The following ZNF100 variants were observed in gnomAD, a reference collection of about 807,000 sequenced individuals.
The protein encoded by ZNF100 is zinc finger protein 100 (Y1).
Under a neutral mutation model 15.8 loss-of-function variants are expected in ZNF100, and 12 were observed. That is an observed-to-expected ratio of 0.76 (90% CI 0.49 to 1.23). The LOEUF is 1.23. Among genes scored for constraint, ZNF100 ranks in the 50% most tolerant of loss-of-function variants. The probability of loss-of-function intolerance (pLI) is 0.00; values close to 1 mark genes in which losing one functional copy is unlikely to be tolerated. For synonymous variants in ZNF100, 226 were observed against 214.8 expected (o/e 1.05, Z -0.45); for missense variants, 670 against 635.6 (o/e 1.05, Z -0.58).
chr19:21,741,634 C>T (rs2036110489), intron 4 of ZNF100, among the ~76,000 whole-genome samples: 1 of 151,710 alleles, frequency 6.6e-6, no homozygotes, highest in Non-Finnish European at 1.5e-5. Flanking sequence ...CTCAGCATCT[C>T]AAAGTGCTAG....
intron 1 of ZNF100, among the ~76,000 whole-genome samples, chr19:21,766,625 C>T (rs1219466084): frequency 1.3e-5 from 2 of 152,166 alleles, no homozygotes; most frequent in Admixed American, 6.5e-5. Context: ...AAATGACTTT[C>T]CTTCAAGCCT....
intron 2 of ZNF100, among the ~76,000 whole-genome samples, chr19:21,757,167 GT>G (rs1432977501): frequency 6.6e-6 from 1 of 152,236 alleles, no homozygotes; most frequent in Admixed American, 6.5e-5. Context: ...GCTGGGCAAG[GT>G]GGCACATGCC....
rs2035800888 is a variant in ZNF100, at chr19:21,726,906, G to A, written c.1406C>T (p.Ser469Phe). 1.9e-6 allele frequency: 3 copies of A among 1,611,666 alleles called. No homozygotes were observed. The highest frequency in any genetic ancestry group is 2.5e-6 in the Non-Finnish European group (3 of 1,179,258). The change falls in exon 5 of 5, where the codon TCC becomes TTC. Residue 469 changes from serine to phenylalanine, a missense_variant. Ser to Phe is a radical substitution (Grantham distance 155). Coordinates refer to ENST00000358296, the MANE Select transcript of ZNF100 (RefSeq NM_173531.4). ...CATCTTATGTGCAGTTAGTTGTGAG[G>A]ACCGGTTAAAGGCTTTGCCACATTC... is the stretch of plus-strand genomic sequence containing the variant. ...CDECGKAFNR[S>F]SQLTAHKMIH...
chr19:21,733,810 A>C (rs1423968330), intron 4 of ZNF100, among the ~76,000 whole-genome samples: 1 of 152,272 alleles, frequency 6.6e-6, no homozygotes, highest in Non-Finnish European at 1.5e-5. Context: ...AAGTATTCCC[A>C]CTGTCATCAG....
chr19:21,726,955 C>T lies in ZNF100; in HGVS notation c.1357G>A (p.Gly453Arg), dbSNP rs758169696. The change falls in exon 5 of 5, where the codon GGA becomes AGA. Residue 453 changes from glycine (G) to arginine (R), a missense_variant. Physicochemically the swap from Gly to Arg is moderately radical, Grantham distance 125. Coordinates refer to ENST00000358296, the MANE Select transcript of ZNF100 (RefSeq NM_173531.4). ...NLTTHKMIHT[G>R]EKPYKCDECG... ...TCGTCACATTTGTAGGGTTTCTCTC[C>T]AGTATGAATCATCTTATGGGTAGTA... 25 of 1,611,304 alleles carry T rather than the reference C, an allele frequency of 1.6e-5. No individual in the cohort carries two copies. The highest frequency in any genetic ancestry group is 4.5e-5 in the East Asian group (2 of 44,220).
intron 4 of ZNF100, among the ~76,000 whole-genome samples, chr19:21,741,735 G>C (rs1241510770): frequency 3.9e-5 from 6 of 151,960 alleles, no homozygotes; most frequent in African/African-American, 1.5e-4. Flanking sequence ...GAGTGCAGTG[G>C]CACAATTATG....
At chr19:21,747,976 T>TC (rs2036240322) in intron 2 of ZNF100, among the ~76,000 whole-genome samples, 1 of 115,146 alleles carries the variant, frequency 8.7e-6, no homozygotes, top group Admixed American at 1.1e-4. Context: ...TATTGATTTT[T>TC]TAAAAAAATG....
intron 4 of ZNF100, among the ~76,000 whole-genome samples, chr19:21,736,497 G>A (rs74167880): frequency 0.092 from 14,013 of 152,268 alleles, 863 homozygotes; most frequent in South Asian, 0.18. Context: ...ATCTCTGAGA[G>A]AGAAAAATAA....
intron 4 of ZNF100, among the ~76,000 whole-genome samples, chr19:21,740,756 A>C (rs973204297): frequency 6.6e-6 from 1 of 152,124 alleles, no homozygotes; most frequent in African/African-American, 2.4e-5. Context: ...GGCCACTATA[A>C]ATTTTTTAAA....
intron 4 of ZNF100, among the ~76,000 whole-genome samples, chr19:21,739,479 CAAGCAGGCTGAGGTTGCAGTGAGCCA>C (rs1422043719): frequency 1.7e-5 from 1 of 59,756 alleles, no homozygotes; most frequent in Non-Finnish European, 5.3e-5. Context: ...TCACTTGAGT[CAAGCAGGCTGAGGTTGCAGTGAGCCA>C]AAATTATGAC....
rs747243511 is a variant in ZNF100, at chr19:21,727,780, GA to G, written c.531del (p.Gln178AsnfsTer20). On this transcript the variant is annotated frameshift_variant, in exon 5 of 5. Coordinates refer to ENST00000358296, the MANE Select transcript of ZNF100 (RefSeq NM_173531.4). LOFTEE classifies it low-confidence loss of function (END_TRUNC). ...AAGACTTTTGCAGATGGATCACATT[GA>G]AATATGTTGCTCTGGGTAGTTATCA... ...QCLITTQSNI[F>X]QCDPSAKVFH... 5 of 1,613,824 alleles carry G rather than the reference GA, an allele frequency of 3.1e-6. No individual in the cohort carries two copies. The highest frequency in any genetic ancestry group is 1.7e-5 in the Admixed American group (1 of 60,012).
chr19:21,764,055 C>T (rs1249001166), intron 2 of ZNF100, among the ~76,000 whole-genome samples: 1 of 152,140 alleles, frequency 6.6e-6, no homozygotes, highest in Non-Finnish European at 1.5e-5. Flanking sequence ...CCCCAGCTTT[C>T]CAGGACTCTG....
chr19:21,739,339 T>C (rs2036066991), intron 4 of ZNF100, among the ~76,000 whole-genome samples: 1 of 152,228 alleles, frequency 6.6e-6, no homozygotes, highest in Admixed American at 6.5e-5. Context: ...GAGGATCACT[T>C]GGGACCACAA....
intron 2 of ZNF100, chr19:21,751,164 C>T: frequency 1.5e-6 from 2 of 1,328,100 alleles, no homozygotes; most frequent in Non-Finnish European, 1.1e-6. Context: ...AGAGCAACCA[C>T]TTAAATCATC....
At chr19:21,756,022 T>A (rs777696496) in intron 2 of ZNF100, among the ~76,000 whole-genome samples, 14 of 152,154 alleles carry the variant, frequency 9.2e-5, no homozygotes, top group African/African-American at 3.4e-4. Context: ...CAAACCTGCA[T>A]GTTCTGCAAG....
rs764040283 is a variant in ZNF100 at position 21,727,330 on chromosome 19, G to A, written c.982C>T (p.Arg328Trp). The change falls in exon 5 of 5, where the codon CGG becomes TGG. Residue 328 changes from arginine to tryptophan, a missense_variant. Physicochemically the swap from Arg to Trp is moderately radical, Grantham distance 101. Coordinates refer to ENST00000358296, the MANE Select transcript of ZNF100 (RefSeq NM_173531.4). ...CTGTGTGTAGTAAGGTGTGAGGACC[G>A]GTTAAAAGCTTTGCCACATTCTGTA... ...KCTECGKAFN[R>W]SSHLTTHRII... 3.1e-5 allele frequency: 50 copies of A among 1,611,594 alleles called. 1 individual carries two copies. The highest frequency in any genetic ancestry group is 8.4e-5 in the Admixed American group (5 of 59,860).
At position 21,726,559 on chromosome 19, in the gene ZNF100, G is replaced by A. The variant is rs1381916213; in HGVS notation, c.*124C>T. Reference sequence around the variant, plus strand: ...CTCTAGTATGAATTATCTTATGTCTGTTAGGAATTGAGAATTTATTAAAGG... The same window carrying A: ...CTCTAGTATGAATTATCTTATGTCTATTAGGAATTGAGAATTTATTAAAGG... On this transcript the variant is annotated 3_prime_UTR_variant, in exon 5 of 5. Coordinates refer to ENST00000358296, the MANE Select transcript of ZNF100 (RefSeq NM_173531.4). 1.1e-6 allele frequency: 1 copy of A among 872,638 alleles called. No homozygotes were observed. The highest frequency in any genetic ancestry group is 1.7e-6 in the Non-Finnish European group (1 of 580,256). 54.1% of individuals were successfully genotyped at this position (872,638 alleles called of 1,614,324 possible). A position where few individuals can be genotyped will look rare whatever the true frequency, so the allele number is the denominator to read the frequency against.
At chr19:21,743,110 C>T (rs1459107543) in intron 4 of ZNF100, 1 of 152,108 alleles carries the variant, frequency 6.6e-6, no homozygotes, top group Non-Finnish European at 1.5e-5. Context: ...TGCCTGTAGT[C>T]GCAGCTACTC....
intron 2 of ZNF100, among the ~76,000 whole-genome samples, chr19:21,760,177 G>C (rs1473639880): frequency 1.9e-5 from 1 of 52,648 alleles, no homozygotes; most frequent in Non-Finnish European, 4.5e-5. Flanking sequence ...GTGAGACTCC[G>C]TCTCAAAAAA....
Sources: gnomAD v4.1 joint callset for allele counts (sites outside exome capture counted in the v4.1 genomes callset) on GRCh38, gnomAD v4.1.1 for gene constraint, MANE v1.5 for transcripts, NCBI Gene and HGNC (gene_info 2026-07-23, HGNC 2026-07-21) for gene names.